The following CEP126 variants were observed in gnomAD, a reference collection of about 807,000 sequenced individuals.
CEP126 encodes the protein centrosomal protein of 126 kDa.
In CEP126, 74 loss-of-function variants were observed where a neutral mutation model predicts 107.8. The ratio of observed to expected loss-of-function variants is 0.69; its 90% confidence interval spans 0.57 to 0.83. The LOEUF is 0.83. CEP126 is among the 40% of genes least tolerant of loss of function. CEP126 has a pLI of 0.00. For missense variants in CEP126, 1,237 were observed against 1,281.9 expected (o/e 0.96, Z 0.53); for synonymous variants, 449 against 446.0 (o/e 1.01, Z -0.08).
At position 101,989,278 on chromosome 11, in the gene CEP126, A is replaced by G. The variant is rs537878578; in HGVS notation, c.3244+2237A>G. ...AATAGAAATATTTTATGTATCTATC[A>G]GATTTTCTCTACCTTAACACCGTTG... On this transcript the variant is annotated intron_variant, in intron 9 of 10. Coordinates refer to ENST00000263468, the MANE Select transcript of CEP126 (RefSeq NM_020802.4). Among the ~76,000 whole-genome samples, 70 of 152,350 alleles carry G rather than the reference A, an allele frequency of 4.6e-4. No homozygotes were observed. The Middle Eastern group carries it at 0.01, about 22-fold the overall frequency.
chr11:101,997,164 A>C (rs1330890630), intron 10 of CEP126, among the ~76,000 whole-genome samples: 1 of 152,094 alleles, frequency 6.6e-6, no homozygotes, highest in African/African-American at 2.4e-5. Context: ...CAGCCTCCCG[A>C]GCAGCTGGGA....
At chr11:101,990,031 T>C (rs1941359274) in intron 9 of CEP126, among the ~76,000 whole-genome samples, 1 of 149,002 alleles carries the variant, frequency 6.7e-6, no homozygotes, top group Non-Finnish European at 1.5e-5. Context: ...CATGGGAGAA[T>C]ATGAGAGAGG....
intron 2 of CEP126, among the ~76,000 whole-genome samples, chr11:101,929,613 C>G (rs1177073380): frequency 2.6e-5 from 4 of 152,154 alleles, no homozygotes; most frequent in African/African-American, 9.7e-5. Context: ...ATACCACCAA[C>G]TATGGAGAGC....
intron 8 of CEP126, among the ~76,000 whole-genome samples, chr11:101,985,724 G>GA (rs1175806762): frequency 6.6e-6 from 1 of 152,028 alleles, no homozygotes; most frequent in African/African-American, 2.4e-5. Context: ...TTACAATAAT[G>GA]AAAAAAATAT....
Position 101,920,387 on chromosome 11 carries a change from A to G in CEP126, c.129-2254A>G, listed in dbSNP as rs540175473. 1.2e-4 allele frequency among the ~76,000 whole-genome samples: 19 copies of G among 152,302 alleles called. No homozygotes were observed. In the South Asian group the frequency reaches 3.9e-3, roughly 32 times the overall value. ...TGTATTTCTAGTATTCTGTTTTACC[A>G]TTAATAATCAATTTATGAGATTTTT... On this transcript the variant is annotated intron_variant, in intron 1 of 10. Transcript: ENST00000263468.
Position 101,962,106 on chromosome 11 carries a change from G to A in CEP126, c.1071G>A (p.Val357=). Residue 357 remains valine (V), a synonymous_variant, in exon 6 of 11, where the codon GTG becomes GTA. Coordinates refer to ENST00000263468, the MANE Select transcript of CEP126 (RefSeq NM_020802.4). ...EQNPSPLNGT[V]ERATNTANNS... Reference sequence around the variant, plus strand: ...ATCCATCTCCTTTGAATGGAACAGTGGAAAGAGCCACAAATACTGCTAATA... The same window carrying A: ...ATCCATCTCCTTTGAATGGAACAGTAGAAAGAGCCACAAATACTGCTAATA... The A allele has an allele frequency of 6.2e-7, 1 of 1,612,288 alleles. No homozygotes were observed. The highest frequency in any genetic ancestry group is 8.5e-7 in the Non-Finnish European group (1 of 1,179,436).
intron 4 of CEP126, among the ~76,000 whole-genome samples, chr11:101,957,965 A>G (rs1940921334): frequency 6.6e-6 from 1 of 152,196 alleles, no homozygotes; most frequent in Non-Finnish European, 1.5e-5. Context: ...CTTTACTGGT[A>G]CTTTAGTCTC....
rs1941495139 is a variant in CEP126, at chr11:102,000,489, C to G, written c.*2846C>G. ...TTTGAGCTCAGGAATTCAAGACCAG[C>G]CTGGGTAATATGGCAAGAGCCCAAC... On this transcript the variant is annotated 3_prime_UTR_variant, in exon 11 of 11. Coordinates refer to ENST00000263468, the MANE Select transcript of CEP126 (RefSeq NM_020802.4). 1 of 152,092 alleles carries G rather than the reference C, an allele frequency of 6.6e-6. No homozygotes were observed. The highest frequency in any genetic ancestry group is 2.1e-4 in the South Asian group (1 of 4,812). The allele number at this position is 152,092 out of a possible 1,614,324, so 9.4% of individuals were successfully genotyped here. A position where few individuals can be genotyped will look rare whatever the true frequency, so the allele number is the denominator to read the frequency against.
intron 1 of CEP126, chr11:101,916,581 C>T (rs1421858625): frequency 6.6e-6 from 1 of 152,138 alleles, no homozygotes; most frequent in Non-Finnish European, 1.5e-5. Flanking sequence ...CAAAATTGCC[C>T]TCTTAAAGGT....
intron 2 of CEP126, among the ~76,000 whole-genome samples, chr11:101,942,331 GT>G (rs1940676679): frequency 6.6e-6 from 1 of 151,924 alleles, no homozygotes; most frequent in South Asian, 2.1e-4. Flanking sequence ...CAACTATATT[GT>G]TTTGCAGTAT....
chr11:101,994,680 G>C (rs1192602782), intron 10 of CEP126, among the ~76,000 whole-genome samples: 1 of 152,054 alleles, frequency 6.6e-6, no homozygotes, highest in African/African-American at 2.4e-5. Context: ...GATGGTTATA[G>C]GAGTACAACA....
rs558615653 is a variant in CEP126, at chr11:101,950,869, C to T, written c.506+2727C>T. ...TGTGAACTTTATCCTGTAACCAGTG[C>T]GGAGCCAATGGAGGTTTTTCAGCAG... On this transcript the variant is annotated intron_variant, in intron 4 of 10. Coordinates refer to ENST00000263468, the MANE Select transcript of CEP126 (RefSeq NM_020802.4). Among the ~76,000 whole-genome samples the T allele has an allele frequency of 8.0e-4, 122 of 152,220 alleles. 3 individuals are homozygous for T. In the South Asian group the frequency reaches 0.025, roughly 31 times the overall value.
chr11:101,997,471 A>G, intron 10 of CEP126, 128 bp from the exon 11 acceptor site: 1 of 1,445,994 alleles, frequency 6.9e-7, no homozygotes, highest in Non-Finnish European at 9.4e-7. Flanking sequence ...CTGCAATCTT[A>G]AACTCATTAC....
chr11:101,941,115 TC>T (rs1315569284), intron 2 of CEP126, among the ~76,000 whole-genome samples: 1 of 152,214 alleles, frequency 6.6e-6, no homozygotes, highest in Non-Finnish European at 1.5e-5. Flanking sequence ...AAGCTGTGCC[TC>T]CTTCCTCCCA....
intron 2 of CEP126, 67 bp downstream of exon 2, chr11:101,922,827 C>T: frequency 1.6e-6 from 2 of 1,257,868 alleles, no homozygotes; most frequent in Admixed American, 4.3e-5. Context: ...AGTTTCTCTA[C>T]TTTGTAGCAC....
At chr11:101,919,084 GGA>G (rs1940281431) in intron 1 of CEP126, among the ~76,000 whole-genome samples, 1 of 152,186 alleles carries the variant, frequency 6.6e-6, no homozygotes, top group Non-Finnish European at 1.5e-5. Context: ...GGGAGCTTTT[GGA>G]GAACAACAAA....
At chr11:101,938,978 T>C (rs1395976617) in intron 2 of CEP126, among the ~76,000 whole-genome samples, 2 of 152,190 alleles carry the variant, frequency 1.3e-5, no homozygotes, top group Non-Finnish European at 2.9e-5. Context: ...TAACATTTCT[T>C]TTATGGCTCA....
At chr11:101,971,053 A>G (rs1941122139) in intron 6 of CEP126, among the ~76,000 whole-genome samples, 1 of 152,076 alleles carries the variant, frequency 6.6e-6, no homozygotes, top group Non-Finnish European at 1.5e-5. Context: ...TTGGTGCAAC[A>G]GCCTCCCAGG....
chr11:101,974,934 A>C (rs1033554636), intron 6 of CEP126, among the ~76,000 whole-genome samples: 1 of 152,226 alleles, frequency 6.6e-6, no homozygotes, highest in Non-Finnish European at 1.5e-5. Flanking sequence ...CAAGAAGTAC[A>C]AAAGTGACTT....
Sources: gnomAD v4.1 joint callset for allele counts (sites outside exome capture counted in the v4.1 genomes callset) on GRCh38, gnomAD v4.1.1 for gene constraint, MANE v1.5 for transcripts, NCBI Gene and HGNC (gene_info 2026-07-23, HGNC 2026-07-21) for gene names.